Variants in NT5C2 observed in about 807,000 individuals in gnomAD.
The protein encoded by NT5C2 is 5'-nucleotidase, cytosolic II, also known as cytosolic purine 5'-nucleotidase.
In NT5C2, 58 loss-of-function variants were observed where a neutral mutation model predicts 76.1. That is an observed-to-expected ratio of 0.76 (90% CI 0.62 to 0.95). The LOEUF is 0.95. NT5C2 is among the 40% of genes least tolerant of loss of function. NT5C2 has a pLI of 0.00. For missense variants in NT5C2, 478 were observed against 690.3 expected (o/e 0.69, Z 3.45); for synonymous variants, 229 against 237.4 (o/e 0.96, Z 0.32).
At chr10:103,096,290 C>T (rs972614258) in intron 11 of NT5C2, among the ~76,000 whole-genome samples, 1 of 152,184 alleles carries the variant, frequency 6.6e-6, no homozygotes, top group South Asian at 2.1e-4. Flanking sequence ...TAATGACTCA[C>T]ACAGAAATAA....
intron 1 of NT5C2, among the ~76,000 whole-genome samples, chr10:103,186,783 A>G (rs2092070163): frequency 6.6e-6 from 1 of 151,806 alleles, no homozygotes; most frequent in South Asian, 2.1e-4. Flanking sequence ...GCGTGGTGGC[A>G]CATGCCTGTA....
At chr10:103,145,810 TTTA>T (rs1286455529) in intron 3 of NT5C2, among the ~76,000 whole-genome samples, 7 of 152,190 alleles carry the variant, frequency 4.6e-5, no homozygotes, top group African/African-American at 1.7e-4. Context: ...TGTAACAGCT[TTTA>T]TTATCATATC....
chr10:103,168,223 A>G (rs2086890780), intron 3 of NT5C2, among the ~76,000 whole-genome samples: 2 of 152,228 alleles, frequency 1.3e-5, no homozygotes, highest in Admixed American at 1.3e-4. Context: ...TGGTTAACAA[A>G]AAATTCACAA....
At position 103,097,350 on chromosome 10, in the gene NT5C2, G is replaced by C; in HGVS notation, c.712C>G (p.Arg238Gly). ...AATACTTTCCCTACTTCCTTCATCC[G>C]GCTCAGAAGCAAAGGCAGTTTTCCC... ...KDGKLPLLLS[R>G]MKEVGKVFLA... Residue 238 changes from arginine to glycine, a missense_variant, in exon 11 of 19, where the codon CGG becomes GGG. Physicochemically the swap from Arg to Gly is moderately radical, Grantham distance 125. Transcript: ENST00000404739. 6.2e-7 allele frequency: 1 copy of C among 1,613,534 alleles called. No homozygotes were observed. Among genetic ancestry groups the C allele is most frequent in the Non-Finnish European group, 8.5e-7 (1 of 1,179,706 alleles).
chr10:103,183,619 C>CAT (rs370669820), intron 1 of NT5C2, among the ~76,000 whole-genome samples: 257 of 146,104 alleles, frequency 1.8e-3, no homozygotes, highest in East Asian at 2.8e-3. Flanking sequence ...GGGTTCACGC[C>CAT]ATATATATAT....
At chr10:103,183,528 T>TA (rs1715564709) in intron 1 of NT5C2, among the ~76,000 whole-genome samples, 1 of 146,624 alleles carries the variant, frequency 6.8e-6, no homozygotes, top group African/African-American at 2.5e-5. Context: ...TTTTTTTTTT[T>TA]AAAGACGAAG....
chr10:103,142,580 A>T (rs11191578), intron 3 of NT5C2, among the ~76,000 whole-genome samples: 47,913 of 151,950 alleles, frequency 0.32, 7,641 homozygotes, highest in Middle Eastern at 0.36. Context: ...CTGAAGTGGG[A>T]TCTCCTGAGC....
At chr10:103,164,259 T>C (rs997062378) in intron 3 of NT5C2, among the ~76,000 whole-genome samples, 1 of 148,718 alleles carries the variant, frequency 6.7e-6, no homozygotes, top group Non-Finnish European at 1.5e-5. Flanking sequence ...AAAACAATGC[T>C]TTTTTTTTTC....
intron 3 of NT5C2, among the ~76,000 whole-genome samples, chr10:103,162,472 T>C (rs2085165188): frequency 6.6e-6 from 1 of 152,214 alleles, no homozygotes; most frequent in Non-Finnish European, 1.5e-5. Context: ...AACCTATTTA[T>C]TCATCAGAAA....
At chr10:103,161,486 G>A (rs982453212) in intron 3 of NT5C2, among the ~76,000 whole-genome samples, 16 of 152,180 alleles carry the variant, frequency 1.1e-4, no homozygotes, top group African/African-American at 3.9e-4. Flanking sequence ...CTGACCAATA[G>A]AATATTATTT....
intron 1 of NT5C2, among the ~76,000 whole-genome samples, chr10:103,192,504 G>A (rs1373775584): frequency 2.0e-5 from 3 of 152,176 alleles, no homozygotes; most frequent in African/African-American, 7.2e-5. Flanking sequence ...CGCCCTCTCC[G>A]ATTTCAGGAG....
chr10:103,141,113 G>A (rs913945547), intron 3 of NT5C2, among the ~76,000 whole-genome samples: 8 of 152,096 alleles, frequency 5.3e-5, no homozygotes, highest in Non-Finnish European at 1.2e-4. Flanking sequence ...CTTTTCCTTT[G>A]TTTTCTTTTA....
chr10:103,107,907 C>A (rs966596092), intron 4 of NT5C2, among the ~76,000 whole-genome samples: 1 of 152,076 alleles, frequency 6.6e-6, no homozygotes, highest in Non-Finnish European at 1.5e-5. Flanking sequence ...GTAATCCCAG[C>A]ACTTTGGGAG....
At position 103,089,634 on chromosome 10, in the gene NT5C2, A is replaced by C; in HGVS notation, c.*38T>G. On this transcript the variant is annotated 3_prime_UTR_variant, in exon 19 of 19. Coordinates refer to ENST00000404739, the MANE Select transcript of NT5C2 (RefSeq NM_001351169.2). Reference sequence around the variant, plus strand: ...GTTTGTTCCTGTGAGTCCTGCCAGGACTTGTTTAATGGGTGCTTGGGGTTT... The same window carrying C: ...GTTTGTTCCTGTGAGTCCTGCCAGGCCTTGTTTAATGGGTGCTTGGGGTTT... The C allele has an allele frequency of 1.3e-6, 2 of 1,542,806 alleles. No individual in the cohort carries two copies. The highest frequency in any genetic ancestry group is 1.7e-6 in the Non-Finnish European group (2 of 1,144,704).
At chr10:103,180,576 GA>G (rs1208132306) in intron 2 of NT5C2, among the ~76,000 whole-genome samples, 1 of 152,028 alleles carries the variant, frequency 6.6e-6, no homozygotes, top group Non-Finnish European at 1.5e-5. Flanking sequence ...TACGAAAATT[GA>G]AAAATTAGTT....
At chr10:103,177,231 G>A (rs1350451228) in intron 2 of NT5C2, among the ~76,000 whole-genome samples, 3 of 152,044 alleles carry the variant, frequency 2.0e-5, no homozygotes, top group African/African-American at 7.2e-5. Flanking sequence ...TGAACAAAAA[G>A]AAGGAATAAA....
chr10:103,090,862 T>TATA, intron 17 of NT5C2, 74 bp downstream of exon 17: 1 of 1,594,628 alleles, frequency 6.3e-7, no homozygotes, highest in Non-Finnish European at 8.6e-7. Context: ...TGCTAGTCTC[T>TATA]ATAATAAATC....
At chr10:103,154,792 TC>T (rs1488981349) in intron 3 of NT5C2, among the ~76,000 whole-genome samples, 3 of 152,182 alleles carry the variant, frequency 2.0e-5, no homozygotes, top group African/African-American at 7.2e-5. Context: ...ATGAAGGATT[TC>T]CATTGACTAT....
intron 4 of NT5C2, among the ~76,000 whole-genome samples, chr10:103,119,676 A>T (rs373516140): frequency 3.6e-4 from 55 of 152,362 alleles, no homozygotes; most frequent in African/African-American, 1.2e-3. Flanking sequence ...AGATGCAACC[A>T]GTTTACACGC....
Sources: gnomAD v4.1 joint callset for allele counts (sites outside exome capture counted in the v4.1 genomes callset) on GRCh38, gnomAD v4.1.1 for gene constraint, MANE v1.5 for transcripts, NCBI Gene and HGNC (gene_info 2026-07-23, HGNC 2026-07-21) for gene names.